The following KRT77 variants were observed in gnomAD, a reference collection of about 807,000 sequenced individuals.
KRT77 encodes keratin 77.
Under a neutral mutation model 51.5 loss-of-function variants are expected in KRT77, and 44 were observed. That is an observed-to-expected ratio of 0.85 (90% CI 0.67 to 1.10). KRT77 has a LOEUF of 1.10. Among genes scored for constraint, KRT77 ranks in the 50% least tolerant of loss-of-function variants. KRT77 has a pLI of 0.00. For missense variants in KRT77, 763 were observed against 743.9 expected, an observed-to-expected ratio of 1.03 and a Z score of -0.30; for synonymous variants, 293 against 302.0, an observed-to-expected ratio of 0.97 and a Z score of 0.31.
chr12:52,696,260 G>A (rs1941793439), intron 3 of KRT77, 110 bp downstream of exon 3: 6 of 978,712 alleles, frequency 6.1e-6, no homozygotes, highest in South Asian at 1.3e-5. Context: ...TACACAGCAA[G>A]CCGGCCGTAG....
chr12:52,700,205 T>C (rs894649521), intron 1 of KRT77, among the ~76,000 whole-genome samples: 2 of 152,256 alleles, frequency 1.3e-5, no homozygotes, highest in Non-Finnish European at 2.9e-5. Flanking sequence ...AATTCTCATA[T>C]GTCAGGCACT....
At chr12:52,696,707 T>C (rs571556977) in intron 2 of KRT77, 13 of 392,798 alleles carry the variant, frequency 3.3e-5, no homozygotes, top group African/African-American at 1.2e-4. Context: ...TATTTTTATT[T>C]TGATGTTTTA....
Position 52,689,702 on chromosome 12 carries a change from T to C in KRT77, c.*1463A>G, listed in dbSNP as rs879428430. 1 of 152,090 alleles carries C rather than the reference T, an allele frequency of 6.6e-6. No individual in the cohort carries two copies. The highest frequency in any genetic ancestry group is 3.2e-3 in the Middle Eastern group (1 of 316). The allele number at this position is 152,090 out of a possible 1,614,324, so 9.4% of individuals were successfully genotyped here. On this transcript the variant is annotated 3_prime_UTR_variant, in exon 9 of 9. Transcript: ENST00000341809. Reference sequence around the variant, plus strand: ...GACAGTACAACTTTGAACCAGGAAATGATGAAGTCACAAGAACAGCCTAAG... The same window carrying C: ...GACAGTACAACTTTGAACCAGGAAACGATGAAGTCACAAGAACAGCCTAAG...
Position 52,694,609 on chromosome 12 carries a change from C to A in KRT77, c.1080+17G>T. ...GAATCTGTTTTTCTGGGCACCAGAT[C>A]TGGGGGCCACGCCCACCTTGGTCTG... is the stretch of plus-strand genomic sequence containing the variant. On this transcript the variant is annotated intron_variant, in intron 5 of 8. Coordinates refer to ENST00000341809, the MANE Select transcript of KRT77 (RefSeq NM_175078.3). 6.3e-7 allele frequency: 1 copy of A among 1,581,592 alleles called. No individual in the cohort carries two copies.
chr12:52,702,554 T>TGTGTGTGTGTGTGTG lies in KRT77; in HGVS notation c.543+337_543+338insCACACACACACACAC, dbSNP rs1565655562. Among the ~76,000 whole-genome samples the TGTGTGTGTGTGTGTG allele has an allele frequency of 1.2e-3, 73 of 62,244 alleles. 1 individual carries two copies. The Middle Eastern group carries it at 0.028, about 24-fold the overall frequency. 40.8% of individuals were successfully genotyped at this position (62,244 alleles called of 152,430 possible). A position where few individuals can be genotyped will look rare whatever the true frequency, so the allele number is the denominator to read the frequency against. ...TGTGTGTGTGTGTGTGTGTGTGTGT[T>TGTGTGTGTGTGTGTG]TGTGTGTGTGTGTATAAATGGATTG... On this transcript the variant is annotated intron_variant, in intron 1 of 8. Transcript: ENST00000341809.
chr12:52,699,102 A>C (rs908873475), intron 1 of KRT77, among the ~76,000 whole-genome samples: 2 of 152,234 alleles, frequency 1.3e-5, no homozygotes, highest in Admixed American at 1.3e-4. Context: ...GCAAGAGATT[A>C]GGCAAGCAGC....
intron 4 of KRT77, 161 bp from the exon 5 acceptor site, chr12:52,694,951 G>C (rs1941773308): frequency 5.5e-6 from 3 of 541,468 alleles, no homozygotes; most frequent in East Asian, 3.3e-5. Flanking sequence ...AGATAATAGG[G>C]AGAGTCTTAA....
At chr12:52,700,147 C>A (rs1229672922) in intron 1 of KRT77, among the ~76,000 whole-genome samples, 1 of 152,186 alleles carries the variant, frequency 6.6e-6, no homozygotes, top group African/African-American at 2.4e-5. Flanking sequence ...CCAGCACTGA[C>A]CCCTGAGGGG....
intron 1 of KRT77, among the ~76,000 whole-genome samples, chr12:52,702,554 T>TG (rs1565655562): frequency 0.033 from 2,082 of 62,202 alleles, 69 homozygotes; most frequent in Admixed American, 0.074. Context: ...GTGTGTGTGT[T>TG]TGTGTGTGTG....
At chr12:52,694,554 A>G (rs570609217) in intron 5 of KRT77, 72 bp downstream of exon 5, 89 of 1,380,754 alleles carry the variant, frequency 6.4e-5, no homozygotes, top group Admixed American at 2.1e-4. Context: ...AGAGAAAGAC[A>G]ATGCAATAAG....
In KRT77 at chr12:52,694,618, A is replaced by G. The variant is rs2121051370; in HGVS notation, c.1080+8T>C. ...TTTCTGGGCACCAGATCTGGGGGCC[A>G]CGCCCACCTTGGTCTGGTACAGGGC... On this transcript the variant is annotated splice_region_variant and intron_variant, in intron 5 of 8. Transcript: ENST00000341809. The G allele has an allele frequency of 6.3e-7, 1 of 1,587,330 alleles. No individual in the cohort carries two copies. The highest frequency in any genetic ancestry group is 8.6e-7 in the Non-Finnish European group (1 of 1,163,430).
At chr12:52,694,582 A>G (rs1466765823) in intron 5 of KRT77, 44 bp downstream of exon 5, 2 of 1,533,778 alleles carry the variant, frequency 1.3e-6, no homozygotes, top group Non-Finnish European at 1.8e-6. Flanking sequence ...CAATTCTGGG[A>G]AGAATCTGTT....
chr12:52,697,751 C>A lies in KRT77; in HGVS notation c.689G>T (p.Ser230Ile), dbSNP rs1416526302. The A allele has an allele frequency of 6.2e-7, 1 of 1,614,196 alleles. No homozygotes were observed. Among genetic ancestry groups the A allele is most frequent in the East Asian group, 2.2e-5 (1 of 44,878 alleles). Reference sequence around the variant, plus strand: ...CGCGTTCTGGCGCATCTGCTCCGCACTGAGCAAATCCACCTGCCTCCGCAG... The same window carrying A: ...CGCGTTCTGGCGCATCTGCTCCGCAATGAGCAAATCCACCTGCCTCCGCAG... ...GDLRRQVDLL[S>I]AEQMRQNAEV... Residue 230 changes from serine to isoleucine, a missense_variant, in exon 2 of 9, where the codon AGT becomes ATT. Transcript: ENST00000341809.
rs1247770847 is a variant in KRT77, at chr12:52,690,416, C to G, written c.*749G>C. 3 of 152,412 alleles carry G rather than the reference C, an allele frequency of 2.0e-5. No individual in the cohort carries two copies. Among genetic ancestry groups the G allele is most frequent in the Non-Finnish European group, 4.4e-5 (3 of 68,262 alleles). 9.4% of individuals were successfully genotyped at this position (152,412 alleles called of 1,614,324 possible). On this transcript the variant is annotated 3_prime_UTR_variant, in exon 9 of 9. Coordinates refer to ENST00000341809, the MANE Select transcript of KRT77 (RefSeq NM_175078.3). ...CCTTACAGATATCTGGTGTGGGCAG[C>G]AAATCTATACTATCCATCAACATGA...
At chr12:52,698,001 A>T in intron 1 of KRT77, 105 bp from the exon 2 acceptor site, 1 of 1,410,492 alleles carries the variant, frequency 7.1e-7, no homozygotes, top group Non-Finnish European at 9.9e-7. Flanking sequence ...TCAGAGAATC[A>T]GGATGGCTCC....
At position 52,703,236 on chromosome 12, in the gene KRT77, T is replaced by G; in HGVS notation, c.199A>C (p.Ser67Arg). The change falls in exon 1 of 9, where the codon AGT becomes CGT. Residue 67 changes from serine to arginine, a missense_variant. Transcript: ENST00000341809. ...GSRSLYNLGG[S>R]RSISINLMGR... Reference sequence around the variant, plus strand: ...ATTAGATTAATGGAGATGCTTCTACTGCCACCCAGATTGTAGAGGCTCCTA... The same window carrying G: ...ATTAGATTAATGGAGATGCTTCTACGGCCACCCAGATTGTAGAGGCTCCTA... 3 of 1,611,212 alleles carry G rather than the reference T, an allele frequency of 1.9e-6. No individual in the cohort carries two copies. In the South Asian group the frequency reaches 3.3e-5, roughly 18 times the overall value.
chr12:52,693,007 T>C, intron 5 of KRT77, 127 bp from the exon 6 acceptor site: 1 of 1,073,072 alleles, frequency 9.3e-7, no homozygotes, highest in South Asian at 1.5e-5. Flanking sequence ...CACCCCTACA[T>C]GCATACTCAC....
chr12:52,689,740 A>T lies in KRT77; in HGVS notation c.*1425T>A, dbSNP rs1941679151. 6.6e-6 allele frequency: 1 copy of T among 152,234 alleles called. No homozygotes were observed. Among genetic ancestry groups the T allele is most frequent in the South Asian group, 2.1e-4 (1 of 4,824 alleles). The allele number at this position is 152,234 out of a possible 1,614,324, so 9.4% of individuals were successfully genotyped here. On this transcript the variant is annotated 3_prime_UTR_variant, in exon 9 of 9. Transcript: ENST00000341809. Reference sequence around the variant, plus strand: ...AGAACAGCCTAAGAGACCCACACTGAGCCCATCCAATGCCCCAAGAGAATC... The same window carrying T: ...AGAACAGCCTAAGAGACCCACACTGTGCCCATCCAATGCCCCAAGAGAATC...
At position 52,702,568 on chromosome 12, in the gene KRT77, A is replaced by G. The variant is rs566163385; in HGVS notation, c.543+324T>C. 1.2e-4 allele frequency among the ~76,000 whole-genome samples: 16 copies of G among 133,224 alleles called. No individual in the cohort carries two copies. The East Asian group carries it at 2.6e-3, about 22-fold the overall frequency. The allele number at this position is 133,224 out of a possible 152,430, so 87.4% of individuals were successfully genotyped here. ...TGTGTGTGTGTTTGTGTGTGTGTGT[A>G]TAAATGGATTGTGTGGATGGGGATG... On this transcript the variant is annotated intron_variant, in intron 1 of 8. Transcript: ENST00000341809.
Sources: gnomAD v4.1 joint callset for allele counts (sites outside exome capture counted in the v4.1 genomes callset) on GRCh38, gnomAD v4.1.1 for gene constraint, MANE v1.5 for transcripts, NCBI Gene and HGNC (gene_info 2026-07-23, HGNC 2026-07-21) for gene names.